The following SEPTIN14 variants were observed in gnomAD, a reference collection of about 807,000 sequenced individuals.
SEPTIN14 encodes septin-14.
In SEPTIN14, 40 loss-of-function variants were observed where a neutral mutation model predicts 53.6. That is an observed-to-expected ratio of 0.75 (90% CI 0.58 to 0.97). The LOEUF (loss-of-function observed/expected upper bound fraction) is 0.97. Among genes scored for constraint, SEPTIN14 ranks in the 50% least tolerant of loss-of-function variants. The probability of loss-of-function intolerance (pLI) is 0.00; values close to 1 mark genes in which losing one functional copy is unlikely to be tolerated. For missense variants in SEPTIN14, 471 were observed against 508.2 expected, an observed-to-expected ratio of 0.93 and a Z score of 0.70; for synonymous variants, 138 against 166.8, an observed-to-expected ratio of 0.83 and a Z score of 1.33.
intron 2 of SEPTIN14, among the ~76,000 whole-genome samples, chr7:55,853,087 G>A (rs941778727): frequency 6.6e-6 from 1 of 152,134 alleles, no homozygotes; most frequent in Non-Finnish European, 1.5e-5. Context: ...TTACACTGTT[G>A]GTGCAAATGT....
At chr7:55,804,465 G>A (rs1226363835) in intron 9 of SEPTIN14, among the ~76,000 whole-genome samples, 1 of 151,844 alleles carries the variant, frequency 6.6e-6, no homozygotes, top group East Asian at 1.9e-4. Context: ...CACCACGTTG[G>A]CCAGGCTGGT....
intron 9 of SEPTIN14, among the ~76,000 whole-genome samples, chr7:55,803,033 G>T (rs923275687): frequency 1.3e-5 from 2 of 151,960 alleles, no homozygotes; most frequent in African/African-American, 4.8e-5. Flanking sequence ...TACCTCCCGG[G>T]TTCAAGTGAT....
At chr7:55,850,727 A>T (rs1200442119) in intron 2 of SEPTIN14, 1 of 152,130 alleles carries the variant, frequency 6.6e-6, no homozygotes, top group Non-Finnish European at 1.5e-5. Context: ...AGGATTCTAG[A>T]CATTAAAAAA....
intron 2 of SEPTIN14, among the ~76,000 whole-genome samples, chr7:55,858,040 A>C (rs1789675929): frequency 6.6e-6 from 1 of 152,232 alleles, no homozygotes; most frequent in African/African-American, 2.4e-5. Flanking sequence ...AACAGCAGCA[A>C]TGCTGGCAAG....
chr7:55,816,256 A>G (rs1308608133), intron 7 of SEPTIN14, among the ~76,000 whole-genome samples: 2 of 152,204 alleles, frequency 1.3e-5, no homozygotes, highest in South Asian at 4.1e-4. Flanking sequence ...ATATATAGTT[A>G]CATAGAATGA....
At chr7:55,857,927 C>T (rs1789673536) in intron 2 of SEPTIN14, among the ~76,000 whole-genome samples, 1 of 152,140 alleles carries the variant, frequency 6.6e-6, no homozygotes, top group Admixed American at 6.6e-5. Context: ...ATCTGTAGCT[C>T]CTTGAAAACT....
intron 2 of SEPTIN14, among the ~76,000 whole-genome samples, chr7:55,854,541 T>C (rs1789576623): frequency 6.6e-6 from 1 of 152,116 alleles, no homozygotes; most frequent in Admixed American, 6.5e-5. Flanking sequence ...GCTATTCTCC[T>C]GCCTCAGCCT....
intron 2 of SEPTIN14, among the ~76,000 whole-genome samples, chr7:55,856,155 C>T (rs1202970733): frequency 1.3e-5 from 2 of 151,998 alleles, no homozygotes; most frequent in Non-Finnish European, 2.9e-5. Flanking sequence ...CCCTCCCTCC[C>T]TCACCCTCTA....
At chr7:55,861,494 T>G (rs1463162244) in intron 2 of SEPTIN14, among the ~76,000 whole-genome samples, 7 of 144,532 alleles carry the variant, frequency 4.8e-5, no homozygotes, top group Non-Finnish European at 7.5e-5. Flanking sequence ...AGAGCCAGAC[T>G]CAGTCTCAAA....
chr7:55,827,413 A>AGAGATAGAT (rs1221440808), intron 6 of SEPTIN14, among the ~76,000 whole-genome samples: 3 of 152,124 alleles, frequency 2.0e-5, no homozygotes, highest in Non-Finnish European at 4.4e-5. Flanking sequence ...GTTATGACCT[A>AGAGATAGAT]GAGATAGATG....
chr7:55,805,383 C>A lies in SEPTIN14; in HGVS notation c.994G>T (p.Glu332Ter). The A allele has an allele frequency of 6.3e-7, 1 of 1,580,672 alleles. No individual in the cohort carries two copies. Among genetic ancestry groups the A allele is most frequent in the Non-Finnish European group, 8.6e-7 (1 of 1,162,394 alleles). Residue 332 changes from glutamate to a stop codon, truncating the protein, a stop_gained, in exon 9 of 10, where the codon GAA becomes TAA. Coordinates refer to ENST00000388975, the MANE Select transcript of SEPTIN14 (RefSeq NM_207366.3). LOFTEE classifies it high-confidence loss of function. ...GPNNQPVSFQ[E>*]IFEAKRQEFY... ...TCTTGTCTTTTGGCTTCAAAGATTTCTTGAAAACTAAAGAGAAATGTTTTC... is the reference window on the plus strand; with the variant it reads ...TCTTGTCTTTTGGCTTCAAAGATTTATTGAAAACTAAAGAGAAATGTTTTC...
intron 2 of SEPTIN14, among the ~76,000 whole-genome samples, chr7:55,854,461 G>T (rs929337789): frequency 6.6e-6 from 1 of 151,032 alleles, no homozygotes; most frequent in Admixed American, 6.6e-5. Flanking sequence ...ACGGAGTCTC[G>T]CTCTGTCGCC....
intron 9 of SEPTIN14, among the ~76,000 whole-genome samples, chr7:55,804,513 T>A (rs1788583066): frequency 6.6e-6 from 1 of 152,026 alleles, no homozygotes. Context: ...CCCGCCTCCA[T>A]CTCCCAAAGT....
chr7:55,850,131 G>A (rs902120090), intron 2 of SEPTIN14, among the ~76,000 whole-genome samples: 2 of 152,118 alleles, frequency 1.3e-5, no homozygotes, highest in Admixed American at 6.6e-5. Context: ...AGAAGAGGGG[G>A]TAGTTTTTTC....
intron 7 of SEPTIN14, among the ~76,000 whole-genome samples, chr7:55,818,193 T>C (rs979333477): frequency 6.6e-6 from 1 of 152,074 alleles, no homozygotes; most frequent in African/African-American, 2.4e-5. Flanking sequence ...CATTTGAGGC[T>C]GGACACGGTG....
At chr7:55,796,812 A>G (rs1455187336) in intron 9 of SEPTIN14, among the ~76,000 whole-genome samples, 2 of 152,114 alleles carry the variant, frequency 1.3e-5, no homozygotes, top group African/African-American at 2.4e-5. Context: ...GTGAGAGGAC[A>G]AAGAAAAAAA....
intron 9 of SEPTIN14, among the ~76,000 whole-genome samples, chr7:55,800,454 T>C (rs1788506258): frequency 6.6e-6 from 1 of 152,086 alleles, no homozygotes; most frequent in African/African-American, 2.4e-5. Flanking sequence ...TAAAACTCCA[T>C]CTCTACTAAA....
intron 7 of SEPTIN14, among the ~76,000 whole-genome samples, chr7:55,817,201 C>T (rs1788807418): frequency 6.6e-6 from 1 of 152,052 alleles, no homozygotes. Context: ...CTATCATTTG[C>T]AGCAACATGG....
intron 7 of SEPTIN14, among the ~76,000 whole-genome samples, chr7:55,810,077 C>T (rs1048275361): frequency 1.3e-5 from 2 of 151,766 alleles, no homozygotes; most frequent in African/African-American, 4.8e-5. Flanking sequence ...CGTGATCCAC[C>T]TGCCTCAGCC....
Sources: allele counts gnomAD v4.1 joint callset (sites outside exome capture counted in the v4.1 genomes callset), GRCh38; gene constraint gnomAD v4.1.1; transcripts MANE v1.5; gene names NCBI Gene and HGNC (gene_info 2026-07-23, HGNC 2026-07-21).